The following HERC2 variants were observed in gnomAD, a reference collection of about 807,000 sequenced individuals.
HERC2 encodes the protein E3 ubiquitin-protein ligase HERC2.
Under a neutral mutation model 537.7 loss-of-function variants are expected in HERC2, and 102 were observed. The ratio of observed to expected loss-of-function variants is 0.19; its 90% CI spans 0.16 to 0.22. The LOEUF is 0.22. Among genes scored for constraint, HERC2 ranks in the 10% least tolerant of loss-of-function variants. The pLI is 1.00. For synonymous variants in HERC2, 2,224 were observed against 2,466.2 expected, an observed-to-expected ratio of 0.90 and a Z score of 2.91; for missense variants, 4,236 against 6,198.2, an observed-to-expected ratio of 0.68 and a Z score of 10.63.
intron 35 of HERC2, among the ~76,000 whole-genome samples, chr15:28,226,546 T>C (rs1013135310): frequency 6.6e-6 from 1 of 151,696 alleles, no homozygotes; most frequent in African/African-American, 2.4e-5. Context: ...AACAATCAGA[T>C]CATCAAAAAA....
chr15:28,186,442 C>A, intron 56 of HERC2, 135 bp downstream of exon 56: 1 of 615,026 alleles, frequency 1.6e-6, no homozygotes, highest in Non-Finnish European at 2.6e-6. Flanking sequence ...TTGGAAACAA[C>A]TGTAATTTAC....
intron 20 of HERC2, among the ~76,000 whole-genome samples, chr15:28,250,881 TTTTC>T (rs1171357823): frequency 7.5e-4 from 114 of 152,292 alleles, no homozygotes; most frequent in African/African-American, 2.6e-3. Context: ...GCGAATGCAT[TTTTC>T]TTTTTCTACT....
At chr15:28,117,439 C>T in intron 86 of HERC2, 1 of 672,678 alleles carries the variant, frequency 1.5e-6, no homozygotes, top group Non-Finnish European at 2.7e-6. Flanking sequence ...ACACGACACA[C>T]ACCACCACCA....
At position 28,220,605 on chromosome 15, in the gene HERC2, G is replaced by T. The variant is rs145481625; in HGVS notation, c.5692C>A (p.Leu1898Met). Residue 1898 changes from leucine (L) to methionine (M), a missense_variant, in exon 37 of 93, where the codon CTG becomes ATG. Transcript: ENST00000261609. Reference sequence around the variant, plus strand: ...ACTCTTATCCATCCGTCCTCTCCCAGCTCACCAATCACGCGGCCTAGGCCT... The same window carrying T: ...ACTCTTATCCATCCGTCCTCTCCCATCTCACCAATCACGCGGCCTAGGCCT... Reference protein sequence around the residue: ...PPGLGRVIGELGEDGWIRVQW... With the variant: ...PPGLGRVIGEMGEDGWIRVQW... 3.4e-5 allele frequency: 55 copies of T among 1,603,772 alleles called. No homozygotes were observed. The highest frequency in any genetic ancestry group is 5.1e-6 in the Non-Finnish European group (6 of 1,179,826).
intron 21 of HERC2, among the ~76,000 whole-genome samples, chr15:28,247,468 G>C (rs1464251054): frequency 8.9e-6 from 1 of 112,014 alleles, no homozygotes; most frequent in Admixed American, 1.3e-4. Flanking sequence ...CACTCTTGTC[G>C]CCCAGGCTGG....
intron 2 of HERC2, among the ~76,000 whole-genome samples, chr15:28,306,204 T>C (rs2076783183): frequency 6.6e-6 from 1 of 152,270 alleles, no homozygotes; most frequent in Non-Finnish European, 1.5e-5. Flanking sequence ...TAGCTGTGTG[T>C]CAGCTGTATA....
intron 23 of HERC2, among the ~76,000 whole-genome samples, chr15:28,238,993 G>A (rs1161361309): frequency 6.6e-6 from 1 of 152,174 alleles, no homozygotes; most frequent in Non-Finnish European, 1.5e-5. Context: ...ATTGGGCCAT[G>A]CCAGGCCACA....
chr15:28,292,790 T>A lies in HERC2; in HGVS notation c.322+98A>T, dbSNP rs547437437. On this transcript the variant is annotated intron_variant, in intron 4 of 92. Transcript: ENST00000261609. ...ATTTAAATTTTTTATTTACTTTTTTTAAAATTGTTACCAAAAAAATACTAA... is the reference window on the plus strand; with the variant it reads ...ATTTAAATTTTTTATTTACTTTTTTAAAAATTGTTACCAAAAAAATACTAA... 24 of 1,248,868 alleles carry A rather than the reference T, an allele frequency of 1.9e-5. No homozygotes were observed. In the Admixed American group the frequency reaches 4.5e-4, roughly 23 times the overall value. The allele number at this position is 1,248,868 out of a possible 1,614,324, so 77.4% of individuals were successfully genotyped here.
At chr15:28,288,751 G>A (rs759560628) in intron 4 of HERC2, among the ~76,000 whole-genome samples, 2 of 151,634 alleles carry the variant, frequency 1.3e-5, no homozygotes, top group African/African-American at 4.8e-5. Context: ...GGGAGGCTGA[G>A]GCAGGAGACT....
At chr15:28,160,551 C>T (rs1893488109) in intron 69 of HERC2, among the ~76,000 whole-genome samples, 1 of 152,250 alleles carries the variant, frequency 6.6e-6, no homozygotes, top group African/African-American at 2.4e-5. Context: ...GATATAATCT[C>T]CTGGTGTGCC....
At chr15:28,156,184 G>A (rs1253404914) in intron 69 of HERC2, among the ~76,000 whole-genome samples, 3 of 152,232 alleles carry the variant, frequency 2.0e-5, no homozygotes, top group African/African-American at 4.8e-5. Flanking sequence ...TATAGTTTGA[G>A]GTCAGGTAGC....
rs1890158529 is a variant in HERC2, at chr15:28,132,009, T to C, written c.12570+91A>G. On this transcript the variant is annotated intron_variant, in intron 81 of 92. Coordinates refer to ENST00000261609, the MANE Select transcript of HERC2 (RefSeq NM_004667.6). ...GAGCACACACGGGGGACAGTAATGGTGGCTCTGAGGCTGTGTTTTCCCAGA... is the reference window on the plus strand; with the variant it reads ...GAGCACACACGGGGGACAGTAATGGCGGCTCTGAGGCTGTGTTTTCCCAGA... The C allele has an allele frequency of 4.4e-6, 5 of 1,132,168 alleles. No individual in the cohort carries two copies. In the East Asian group the frequency reaches 1.3e-4, roughly 30 times the overall value. 70.1% of individuals were successfully genotyped at this position (1,132,168 alleles called of 1,614,324 possible).
At chr15:28,259,781 C>T (rs1206450239) in intron 16 of HERC2, among the ~76,000 whole-genome samples, 1 of 150,700 alleles carries the variant, frequency 6.6e-6, no homozygotes, top group African/African-American at 2.4e-5. Flanking sequence ...ATGGTGAAAC[C>T]CCATCTCCAC....
chr15:28,120,770 G>A (rs959371071), intron 86 of HERC2, among the ~76,000 whole-genome samples: 4 of 152,188 alleles, frequency 2.6e-5, no homozygotes, highest in Non-Finnish European at 5.9e-5. Context: ...CCACTTCTCA[G>A]AACTTAACAA....
intron 42 of HERC2, 51 bp from the exon 43 acceptor site, chr15:28,212,634 G>T (rs776739998): frequency 1.9e-6 from 3 of 1,591,470 alleles, no homozygotes; most frequent in Admixed American, 3.4e-5. Context: ...ACTAACAAAT[G>T]AAACGTTCTG....
Position 28,220,660 on chromosome 15 carries a change from T to C in HERC2, c.5653-16A>G, listed in dbSNP as rs751008760. On this transcript the variant is annotated splice_polypyrimidine_tract_variant and intron_variant, in intron 36 of 92. Transcript: ENST00000261609. The stretch of plus-strand genomic sequence containing the variant: ...GAGGCCCATCCTGAGAAAGCCAAAG[T>C]AGAGATCAGTTAGGAGGGTGCGTAA... 1.2e-5 allele frequency: 19 copies of C among 1,602,038 alleles called. No homozygotes were observed. Among genetic ancestry groups the C allele is most frequent in the East Asian group, 2.2e-5 (1 of 44,852 alleles).
intron 69 of HERC2, among the ~76,000 whole-genome samples, chr15:28,159,691 C>G (rs1480683918): frequency 1.3e-5 from 2 of 152,232 alleles, no homozygotes; most frequent in African/African-American, 4.8e-5. Flanking sequence ...CCTCCTTTAG[C>G]TCGGAGAAGT....
At chr15:28,144,040 G>C in intron 73 of HERC2, 37 bp downstream of exon 73, 1 of 1,614,126 alleles carries the variant, frequency 6.2e-7, no homozygotes. Flanking sequence ...TTTCTTCCAA[G>C]CAGGAAGACA....
At chr15:28,172,579 AG>A (rs1373071733) in intron 65 of HERC2, among the ~76,000 whole-genome samples, 1 of 152,256 alleles carries the variant, frequency 6.6e-6, no homozygotes, top group Non-Finnish European at 1.5e-5. Context: ...TGCCAAAAAA[AG>A]CCTTTCAATC....
Sources: gnomAD v4.1 joint callset for allele counts (sites outside exome capture counted in the v4.1 genomes callset) on GRCh38, gnomAD v4.1.1 for gene constraint, MANE v1.5 for transcripts, NCBI Gene and HGNC (gene_info 2026-07-23, HGNC 2026-07-21) for gene names.